CCDC88C: variants seen among roughly 807,000 people sequenced by gnomAD.
CCDC88C encodes coiled-coil and HOOK domain protein 88C, also known as protein Daple.
A neutral mutation model predicts 198.8 loss-of-function variants in CCDC88C; 131 were observed. The observed-to-expected ratio is 0.66, with a 90% CI of 0.57 to 0.76. The LOEUF is 0.76. Among genes scored for constraint, CCDC88C ranks in the 30% least tolerant of loss-of-function variants. The pLI, the probability that CCDC88C is intolerant of heterozygous loss-of-function variation, is 0.00. For synonymous variants in CCDC88C, 1,166 were observed against 1,114.7 expected, an observed-to-expected ratio of 1.05 and a Z score of -0.92; for missense variants, 2,553 against 2,631.6, an observed-to-expected ratio of 0.97 and a Z score of 0.65.
Position 91,381,631 on chromosome 14 carries a change from G to A in CCDC88C, c.271-21920C>T, listed in dbSNP as rs539741255. Among the ~76,000 whole-genome samples the A allele has an allele frequency of 6.6e-5, 10 of 152,132 alleles. No individual in the cohort carries two copies. Among genetic ancestry groups the A allele is most frequent in the African/African-American group, 1.7e-4 (7 of 41,422 alleles). On this transcript the variant is annotated intron_variant, in intron 3 of 29. Transcript: ENST00000389857. The surrounding 1 kb of genome is among the most constrained non-coding windows in gnomAD (Gnocchi z 4.2). ...GTGGATCAATTGAAGTCAGGAGTTC[G>A]AGACCACCCTGGCCAACTTGGTGAA...
intron 4 of CCDC88C, among the ~76,000 whole-genome samples, chr14:91,344,191 G>C (rs117670130): frequency 6.6e-6 from 1 of 152,080 alleles, no homozygotes; most frequent in East Asian, 1.9e-4. Context: ...CAAATATGTC[G>C]TAAGTATCTC....
intron 3 of CCDC88C, among the ~76,000 whole-genome samples, chr14:91,364,105 G>A (rs7153073): frequency 0.085 from 13,003 of 152,336 alleles, 691 homozygotes; most frequent in Middle Eastern, 0.18. Context: ...AGAAACAAGT[G>A]CCAAGGCAAG....
chr14:91,341,717 C>A (rs1412916996), intron 6 of CCDC88C, among the ~76,000 whole-genome samples: 3 of 152,222 alleles, frequency 2.0e-5, no homozygotes, highest in Non-Finnish European at 2.9e-5. Flanking sequence ...CTGGATACCG[C>A]CCCCTAGGGT....
chr14:91,302,520 C>T (rs192496007), intron 20 of CCDC88C, among the ~76,000 whole-genome samples: 4 of 152,298 alleles, frequency 2.6e-5, no homozygotes, highest in Non-Finnish European at 4.4e-5. Flanking sequence ...AGACAGAATC[C>T]CAGCCCAGAT....
At chr14:91,327,765 T>C (rs977029810) in intron 10 of CCDC88C, among the ~76,000 whole-genome samples, 1 of 152,182 alleles carries the variant, frequency 6.6e-6, no homozygotes, top group African/African-American at 2.4e-5. Flanking sequence ...CCCCACTCTT[T>C]TGACCAGCGT....
intron 29 of CCDC88C, among the ~76,000 whole-genome samples, chr14:91,275,996 ATT>A (rs1313563155): frequency 6.7e-6 from 1 of 150,342 alleles, no homozygotes; most frequent in Non-Finnish European, 1.5e-5. Flanking sequence ...TAATTTTTGT[ATT>A]TTTAGTAGAG....
intron 27 of CCDC88C, 58 bp downstream of exon 27, chr14:91,281,399 G>A (rs954325136): frequency 4.8e-5 from 78 of 1,612,098 alleles, no homozygotes; most frequent in Non-Finnish European, 6.4e-5. Context: ...GAAAGGTACC[G>A]TGGATAAAAA....
intron 3 of CCDC88C, among the ~76,000 whole-genome samples, chr14:91,383,864 A>G (rs1884962186): frequency 6.6e-6 from 1 of 152,202 alleles, no homozygotes; most frequent in Non-Finnish European, 1.5e-5. Flanking sequence ...TGAGGCAGAA[A>G]CAAATTTATC....
chr14:91,278,930 T>TG (rs1200714787), intron 28 of CCDC88C, among the ~76,000 whole-genome samples: 1 of 109,676 alleles, frequency 9.1e-6, no homozygotes, highest in Non-Finnish European at 1.8e-5. Flanking sequence ...AGATAGGGTC[T>TG]CACTTCTGTT....
chr14:91,272,977 C>G lies in CCDC88C; in HGVS notation c.5735G>C (p.Gly1912Ala), dbSNP rs1346313320. The G allele has an allele frequency of 9.0e-6, 14 of 1,556,948 alleles. No homozygotes were observed. Among genetic ancestry groups the G allele is most frequent in the Non-Finnish European group, 1.2e-5 (14 of 1,156,840 alleles). The change falls in exon 30 of 30, where the codon GGT becomes GCT. Residue 1912 changes from glycine (G) to alanine (A), a missense_variant. This residue lies in a region of CCDC88C where 1,293 missense variants were observed against 1,219.6 expected (regional missense o/e 1.06). Transcript: ENST00000389857. ...ACTGCCAGCAGCAGCAGCACCAGCA[C>G]CTGCAGTGGCAATGGCGGGGGCTGT... Reference protein sequence around the residue: ...SATAPAIATAGAGAAAAGSGS... With the variant: ...SATAPAIATAAAGAAAAGSGS...
chr14:91,321,057 G>T, intron 13 of CCDC88C, 63 bp downstream of exon 13: 2 of 1,449,930 alleles, frequency 1.4e-6, no homozygotes, highest in Non-Finnish European at 9.3e-7. Flanking sequence ...ACAATCACTG[G>T]GGAGGATGGG....
intron 16 of CCDC88C, 84 bp from the exon 17 acceptor site, chr14:91,308,576 C>T: frequency 1.5e-6 from 2 of 1,375,164 alleles, no homozygotes; most frequent in South Asian, 2.5e-5. Context: ...ACACATCACT[C>T]CTTCCATTAG....
intron 3 of CCDC88C, among the ~76,000 whole-genome samples, chr14:91,389,673 A>G (rs1016157105): frequency 6.0e-5 from 9 of 151,184 alleles, no homozygotes; most frequent in African/African-American, 2.2e-4. Context: ...TGAACCCAGG[A>G]GTTCCAGACT....
At chr14:91,367,816 T>A (rs73338436) in intron 3 of CCDC88C, among the ~76,000 whole-genome samples, 3,209 of 152,096 alleles carry the variant, frequency 0.021, 120 homozygotes, top group African/African-American at 0.073. Context: ...CTACCAACAC[T>A]CTCTGCGCTT....
chr14:91,367,436 G>A (rs1184706902), intron 3 of CCDC88C, among the ~76,000 whole-genome samples: 1 of 152,156 alleles, frequency 6.6e-6, no homozygotes, highest in Non-Finnish European at 1.5e-5. Flanking sequence ...GAGTGACGTC[G>A]GCTTCGCAGG....
At chr14:91,274,854 G>A (rs1045550003) in intron 29 of CCDC88C, among the ~76,000 whole-genome samples, 2 of 152,190 alleles carry the variant, frequency 1.3e-5, no homozygotes, top group Non-Finnish European at 2.9e-5. Flanking sequence ...CAGGCCATGC[G>A]TCCAGAGAGG....
chr14:91,357,461 C>T (rs147856146), intron 4 of CCDC88C, among the ~76,000 whole-genome samples: 5 of 152,352 alleles, frequency 3.3e-5, no homozygotes, highest in Admixed American at 6.5e-5. Context: ...CCAGCACGCT[C>T]GGTCTTTCAT....
intron 2 of CCDC88C, among the ~76,000 whole-genome samples, chr14:91,409,024 C>T (rs1886662729): frequency 6.6e-6 from 1 of 152,128 alleles, no homozygotes; most frequent in Non-Finnish European, 1.5e-5. Context: ...CCATTCCCAC[C>T]GTTCCTAGCA....
rs370135208 is a variant in CCDC88C, at chr14:91,333,721, T to C, written c.1050+4284A>G. On this transcript the variant is annotated intron_variant, in intron 10 of 29. Transcript: ENST00000389857. The stretch of plus-strand genomic sequence containing the variant: ...ATGGCCTGGGAGAGGGCCTGTAAAA[T>C]GCAGATTTCTAGGGCCTGCCCTTAC... Among the ~76,000 whole-genome samples the C allele has an allele frequency of 1.2e-4, 19 of 152,326 alleles. No individual in the cohort carries two copies. In the East Asian group the frequency reaches 2.5e-3, roughly 20 times the overall value.
Sources: gnomAD v4.1 joint callset for allele counts (sites outside exome capture counted in the v4.1 genomes callset) on GRCh38, gnomAD v4.1.1 for gene constraint, gnomAD v4.1.1 regional missense constraint, Gnocchi (gnomAD v3.1) non-coding constraint, MANE v1.5 for transcripts, NCBI Gene and HGNC (gene_info 2026-07-23, HGNC 2026-07-21) for gene names.